IL1RN: variants seen among roughly 807,000 people sequenced by gnomAD.
IL1RN encodes interleukin 1 receptor antagonist.
Under a neutral mutation model 13.7 loss-of-function variants are expected in IL1RN, and 10 were observed. That is an observed-to-expected ratio of 0.73 (90% CI 0.45 to 1.24). The LOEUF is 1.24. Among genes scored for constraint, IL1RN ranks in the 50% most tolerant of loss-of-function variants. The pLI is 0.00. For synonymous variants in IL1RN, 102 were observed against 82.7 expected, an observed-to-expected ratio of 1.23 and a Z score of -1.27; for missense variants, 213 against 222.1, an observed-to-expected ratio of 0.96 and a Z score of 0.26.
upstream of IL1RN, among the ~76,000 whole-genome samples, chr2:113,125,978 A>G (rs1362352602): frequency 6.6e-6 from 1 of 152,022 alleles, no homozygotes; most frequent in African/African-American, 2.4e-5. Context: ...TTGCATTTTC[A>G]GTAGAGACGG....
Position 113,132,963 on chromosome 2 carries a change from A to ACT in IL1RN, c.*93_*94dup, listed in dbSNP as rs1687229074. On this transcript the variant is annotated 3_prime_UTR_variant, in exon 4 of 4. Transcript: ENST00000409930. ...CCCCAGGGCTCCCGGCTATGGGGGC[A>ACT]CTGAGGACCAGCCATTGAGGGGTGG... 1 of 1,222,204 alleles carries ACT rather than the reference A, an allele frequency of 8.2e-7. No homozygotes were observed. Among genetic ancestry groups the ACT allele is most frequent in the African/African-American group, 1.5e-5 (1 of 66,980 alleles). 75.7% of individuals were successfully genotyped at this position (1,222,204 alleles called of 1,614,324 possible). A position where few individuals can be genotyped will look rare whatever the true frequency, so the allele number is the denominator to read the frequency against.
At chr2:113,115,575 G>T (rs765571522), upstream of IL1RN, 3 of 152,090 alleles carry the variant, frequency 2.0e-5, no homozygotes, top group Non-Finnish European at 2.9e-5. Flanking sequence ...GGGTTCTTCA[G>T]AAGCCCCTTC....
chr2:113,110,776 G>A (rs1022654843), upstream of IL1RN, among the ~76,000 whole-genome samples: 6 of 152,236 alleles, frequency 3.9e-5, no homozygotes, highest in African/African-American at 7.2e-5. Flanking sequence ...CCTGGCACAG[G>A]TGGGTGTTTA....
the IL1RN span, among the ~76,000 whole-genome samples, chr2:113,101,934 A>C: frequency 6.6e-6 from 1 of 151,830 alleles, no homozygotes. Flanking sequence ...CACCCGGCTA[A>C]TTTTGTATTT....
At chr2:113,126,005 T>C (rs998250702), upstream of IL1RN, among the ~76,000 whole-genome samples, 10 of 152,146 alleles carry the variant, frequency 6.6e-5, no homozygotes, top group Admixed American at 2.0e-4. Context: ...ACCATGTTGG[T>C]CAGGTTGGTC....
chr2:113,099,891 C>T, the IL1RN span, among the ~76,000 whole-genome samples: 2 of 138,954 alleles, frequency 1.4e-5, no homozygotes, highest in East Asian at 2.1e-4. Context: ...CCTGCCACCA[C>T]GCCCGGCTAA....
chr2:113,108,855 A>G (rs1338197724), upstream of IL1RN, among the ~76,000 whole-genome samples: 4 of 152,380 alleles, frequency 2.6e-5, no homozygotes, highest in East Asian at 1.9e-4. Flanking sequence ...TGTTAAGCCT[A>G]TAAGTTGAGA....
At position 113,129,704 on chromosome 2, in the gene IL1RN, C is replaced by A. The variant is rs182512539; in HGVS notation, c.205+40C>A. The stretch of plus-strand genomic sequence containing the variant: ...GGAAAGCCAATGTATGTGGGCATCA[C>A]GTCACTTTGCCCGTCTGTCTGCAGC... On this transcript the variant is annotated intron_variant, in intron 2 of 3. Transcript: ENST00000409930. 2.6e-5 allele frequency: 33 copies of A among 1,292,966 alleles called. No individual in the cohort carries two copies. The African/African-American group carries it at 3.3e-4, about 13-fold the overall frequency. The allele number at this position is 1,292,966 out of a possible 1,614,324, so 80.1% of individuals were successfully genotyped here.
At chr2:113,111,733 A>G (rs1686499831) in intron 1 of IL1RN, among the ~76,000 whole-genome samples, 1 of 152,236 alleles carries the variant, frequency 6.6e-6, no homozygotes, top group Non-Finnish European at 1.5e-5. Flanking sequence ...TTACACTCAC[A>G]CAGGTGAGGA....
At chr2:113,123,221 T>C (rs534439366), upstream of IL1RN, among the ~76,000 whole-genome samples, 75 of 152,306 alleles carry the variant, frequency 4.9e-4, no homozygotes, top group South Asian at 4.6e-3. Flanking sequence ...CTAGAAAAGC[T>C]AGACAAAACA....
At chr2:113,120,114 A>G (rs149439584) in exon 2 of IL1RN, 3 of 1,613,050 alleles carry the variant, frequency 1.9e-6, no homozygotes, top group African/African-American at 1.3e-5. Context: ...GGTGAAGACA[A>G]TGCTGACTCA....
chr2:113,103,956 C>T (rs543479909), upstream of IL1RN, among the ~76,000 whole-genome samples: 1 of 150,758 alleles, frequency 6.6e-6, no homozygotes, highest in African/African-American at 2.4e-5. Context: ...TTAGTTCTTT[C>T]ACCAAGTTAT....
chr2:113,123,755 G>A (rs1053972657), upstream of IL1RN, among the ~76,000 whole-genome samples: 1 of 152,208 alleles, frequency 6.6e-6, no homozygotes, highest in African/African-American at 2.4e-5. Context: ...TTTGAATCAT[G>A]GATTTGAATC....
Position 113,129,562 on chromosome 2 carries a change from C to A in IL1RN, c.117-14C>A. 6.4e-7 allele frequency: 1 copy of A among 1,572,686 alleles called. No homozygotes were observed. Among genetic ancestry groups the A allele is most frequent in the Non-Finnish European group, 8.8e-7 (1 of 1,142,230 alleles). On this transcript the variant is annotated splice_polypyrimidine_tract_variant and intron_variant, in intron 1 of 3. Coordinates refer to ENST00000409930, the MANE Select transcript of IL1RN (RefSeq NM_173842.3). ...GGTGGCTGTGCACTACAGCTGAGTC[C>A]TTTTCCTTTTCAGAATCTGGGATGT...
At chr2:113,121,341 G>A in intron 2 of IL1RN, 4 of 448,836 alleles carry the variant, frequency 8.9e-6, no homozygotes, top group Non-Finnish European at 8.8e-6. Flanking sequence ...TGGACAAAAG[G>A]AGATCTGTGT....
chr2:113,129,539 T>A (rs2104455567), intron 1 of IL1RN, 37 bp from the exon 2 acceptor site: 1 of 1,300,362 alleles, frequency 7.7e-7, no homozygotes, highest in Admixed American at 1.7e-5. Flanking sequence ...GGGCACATGG[T>A]GGCTGTGCAC....
upstream of IL1RN, among the ~76,000 whole-genome samples, chr2:113,108,913 T>C (rs1169830535): frequency 2.6e-5 from 4 of 152,062 alleles, no homozygotes; most frequent in Non-Finnish European, 1.5e-5. Context: ...TTTTTTTGGG[T>C]AGGGGGTTAG....
At chr2:113,104,514 C>T (rs978404411), upstream of IL1RN, among the ~76,000 whole-genome samples, 15 of 152,230 alleles carry the variant, frequency 9.9e-5, no homozygotes, top group East Asian at 9.7e-4. Context: ...AAGGGATTTC[C>T]GCAGTGTCTG....
At chr2:113,129,733 A>G (rs1190749809) in intron 2 of IL1RN, 69 bp downstream of exon 2, 9 of 986,628 alleles carry the variant, frequency 9.1e-6, no homozygotes, top group Non-Finnish European at 1.5e-5. Context: ...CTGCAGCAGC[A>G]TGGCCTGCCT....
Sources: allele counts gnomAD v4.1 joint callset (sites outside exome capture counted in the v4.1 genomes callset), GRCh38; gene constraint gnomAD v4.1.1; transcripts MANE v1.5; gene names NCBI Gene and HGNC (gene_info 2026-07-23, HGNC 2026-07-21).